Variants in WWOX observed in about 807,000 individuals in gnomAD.
WWOX encodes the protein WW domain-containing oxidoreductase.
In WWOX, 69 loss-of-function variants were observed where a neutral mutation model predicts 46.2. That is an observed-to-expected ratio of 1.49 (90% CI 1.23 to 1.82). The LOEUF (loss-of-function observed/expected upper bound fraction) is 1.82, where lower values mean the gene tolerates loss of function less well. Among genes scored for constraint, WWOX ranks in the 40% most tolerant of loss-of-function variants. The pLI, the probability that WWOX is intolerant of heterozygous loss-of-function variation, is 0.00. For synonymous variants in WWOX, 359 were observed against 202.6 expected (o/e 1.77, Z -6.56); for missense variants, 919 against 542.6 (o/e 1.69, Z -6.89).
chr16:79,086,366 C>A (rs1470740033), intron 8 of WWOX, among the ~76,000 whole-genome samples: 1 of 152,112 alleles, frequency 6.6e-6, no homozygotes, highest in South Asian at 2.1e-4. Context: ...AAAGAAAATG[C>A]AAGCTTTGAG....
intron 8 of WWOX, among the ~76,000 whole-genome samples, chr16:78,999,996 A>G (rs905676519): frequency 3.9e-5 from 6 of 152,098 alleles, no homozygotes; most frequent in Admixed American, 6.5e-5. Context: ...AATGGCATCT[A>G]TGATCTTAGA....
intron 5 of WWOX, among the ~76,000 whole-genome samples, chr16:78,346,453 T>C (rs1455148116): frequency 8.3e-6 from 1 of 119,848 alleles, no homozygotes; most frequent in African/African-American, 2.8e-5. Context: ...TAGGGCTATG[T>C]ATAACTTTTT....
At chr16:78,345,236 C>G (rs12929851) in intron 5 of WWOX, among the ~76,000 whole-genome samples, 35,931 of 114,340 alleles carry the variant, frequency 0.31, 12,012 homozygotes, top group South Asian at 0.54. Context: ...GCTAACCTCT[C>G]TGGACATCGT....
rs967158667 is a variant in WWOX at position 79,005,846 on chromosome 16, C to G, written c.1057-205762C>G. Among the ~76,000 whole-genome samples, 16 of 152,230 alleles carry G rather than the reference C, an allele frequency of 1.1e-4. No homozygotes were observed. The East Asian group carries it at 3.1e-3, about 29-fold the overall frequency. On this transcript the variant is annotated intron_variant, in intron 8 of 8. Coordinates refer to ENST00000566780, the MANE Select transcript of WWOX (RefSeq NM_016373.4). ...CACCATATATGGATTCCAGAGTGAC[C>G]AGTAGAACATAGCTCAGGCCAAGAG...
intron 6 of WWOX, among the ~76,000 whole-genome samples, chr16:78,424,121 T>G (rs143015189): frequency 1.0e-5 from 1 of 100,016 alleles, no homozygotes; most frequent in African/African-American, 5.1e-5. Context: ...TTTTTTTTTG[T>G]TTTTTTTTTT....
chr16:79,111,871 C>G (rs1268693886), intron 8 of WWOX, among the ~76,000 whole-genome samples: 3 of 152,172 alleles, frequency 2.0e-5, no homozygotes, highest in Non-Finnish European at 4.4e-5. Flanking sequence ...AGACTCCATC[C>G]TGAATTCCAG....
At chr16:79,059,655 C>T (rs1022465126) in intron 8 of WWOX, among the ~76,000 whole-genome samples, 16 of 152,006 alleles carry the variant, frequency 1.1e-4, no homozygotes, top group East Asian at 3.9e-4. Context: ...CCACCATGCC[C>T]GGCTAATTTT....
chr16:78,612,033 A>C (rs898657563), intron 8 of WWOX, among the ~76,000 whole-genome samples: 24 of 152,230 alleles, frequency 1.6e-4, no homozygotes, highest in African/African-American at 5.8e-4. Flanking sequence ...AAGACTTCTC[A>C]AGCAAGTTGG....
chr16:78,135,696 AAAC>A (rs1004320812), intron 4 of WWOX, among the ~76,000 whole-genome samples: 3 of 152,184 alleles, frequency 2.0e-5, no homozygotes, highest in East Asian at 1.9e-4. Flanking sequence ...AAAAAAAACA[AAAC>A]AACAACAACA....
intron 8 of WWOX, among the ~76,000 whole-genome samples, chr16:78,617,263 G>T (rs551914715): frequency 7.2e-4 from 109 of 152,146 alleles, no homozygotes; most frequent in African/African-American, 2.6e-3. Flanking sequence ...TTAGGTGGGC[G>T]TGGTGGCGTG....
At chr16:78,775,168 C>T (rs1440396353) in intron 8 of WWOX, among the ~76,000 whole-genome samples, 3 of 152,154 alleles carry the variant, frequency 2.0e-5, no homozygotes, top group Admixed American at 6.5e-5. Flanking sequence ...ATTCCTTTTG[C>T]CTGCCTGGCT....
intron 8 of WWOX, among the ~76,000 whole-genome samples, chr16:78,656,012 G>C (rs1011360823): frequency 7.2e-5 from 11 of 152,176 alleles, no homozygotes; most frequent in African/African-American, 2.7e-4. Flanking sequence ...CATTGAGTGA[G>C]GTCTAGGGTG....
chr16:78,387,070 C>G (rs898851619), intron 6 of WWOX, 122 bp downstream of exon 6: 7 of 940,520 alleles, frequency 7.4e-6, no homozygotes, highest in East Asian at 4.9e-5. Context: ...ACAGGAGGCT[C>G]ATTTATATTG....
chr16:78,116,392 T>C (rs2032791058), intron 4 of WWOX, among the ~76,000 whole-genome samples: 1 of 152,226 alleles, frequency 6.6e-6, no homozygotes, highest in Non-Finnish European at 1.5e-5. Flanking sequence ...ATTATTGTGT[T>C]GTACAAGGTG....
intron 5 of WWOX, among the ~76,000 whole-genome samples, chr16:78,184,074 G>C (rs767843790): frequency 1.3e-5 from 2 of 152,126 alleles, no homozygotes; most frequent in African/African-American, 4.8e-5. Context: ...TGGATTCCAT[G>C]CTTGGCACAG....
chr16:78,132,952 A>G (rs2151698601), intron 4 of WWOX, among the ~76,000 whole-genome samples: 1 of 152,328 alleles, frequency 6.6e-6, no homozygotes, highest in Middle Eastern at 3.4e-3. Flanking sequence ...TCGTCACTTC[A>G]GCTTATGATT....
intron 8 of WWOX, among the ~76,000 whole-genome samples, chr16:79,099,321 T>C (rs972322143): frequency 1.3e-5 from 2 of 152,176 alleles, no homozygotes; most frequent in African/African-American, 4.8e-5. Flanking sequence ...ATAGTGACTA[T>C]GATATATCTT....
At chr16:78,725,997 CCTT>C (rs561206019) in intron 8 of WWOX, among the ~76,000 whole-genome samples, 9 of 150,474 alleles carry the variant, frequency 6.0e-5, no homozygotes, top group Non-Finnish European at 1.0e-4. Context: ...TCCTCCTTCT[CCTT>C]CTTCTTCTCT....
chr16:78,725,339 C>CTTTTTTTTTTTTTTTTTTTT (rs921746316), intron 8 of WWOX, among the ~76,000 whole-genome samples: 10 of 86,768 alleles, frequency 1.2e-4, no homozygotes, highest in South Asian at 3.9e-4. Flanking sequence ...CTTTTCTTTT[C>CTTTTTTTTTTTTTTTTTTTT]TTTTCTTTTT....
Sources: allele counts gnomAD v4.1 joint callset (sites outside exome capture counted in the v4.1 genomes callset), GRCh38; gene constraint gnomAD v4.1.1; transcripts MANE v1.5; gene names NCBI Gene and HGNC (gene_info 2026-07-23, HGNC 2026-07-21).